KIAA1755: variants seen among roughly 807,000 people sequenced by gnomAD.
The protein encoded by KIAA1755 is uncharacterized protein KIAA1755.
In KIAA1755, 68 loss-of-function variants were observed where a neutral mutation model predicts 91.7. The ratio of observed to expected loss-of-function variants is 0.74; its 90% CI spans 0.61 to 0.91. The LOEUF (loss-of-function observed/expected upper bound fraction) is 0.91. Ranked by LOEUF, KIAA1755 falls within the 40% of genes least tolerant of loss-of-function variation. The pLI is 0.00. For synonymous variants in KIAA1755, 610 were observed against 604.6 expected (o/e 1.01, Z -0.13); for missense variants, 1,535 against 1,494.4 (o/e 1.03, Z -0.45).
chr20:38,256,706 G>T (rs1005778828), intron 1 of KIAA1755, among the ~76,000 whole-genome samples: 1 of 152,110 alleles, frequency 6.6e-6, no homozygotes, highest in African/African-American at 2.4e-5. Context: ...GGGAGGCTGA[G>T]GTGGGAGGAT....
intron 7 of KIAA1755, among the ~76,000 whole-genome samples, chr20:38,226,915 C>T (rs2075766371): frequency 6.6e-6 from 1 of 152,192 alleles, no homozygotes; most frequent in Non-Finnish European, 1.5e-5. Flanking sequence ...TGTGGCAGCA[C>T]CCACCAGGAG....
At chr20:38,221,398 T>G (rs954193485) in intron 10 of KIAA1755, among the ~76,000 whole-genome samples, 3 of 152,064 alleles carry the variant, frequency 2.0e-5, no homozygotes, top group African/African-American at 7.2e-5. Flanking sequence ...CACCAGGCAC[T>G]GAGGGGCAGG....
intron 10 of KIAA1755, among the ~76,000 whole-genome samples, chr20:38,221,929 G>A (rs2075666271): frequency 6.6e-6 from 1 of 152,194 alleles, no homozygotes; most frequent in Admixed American, 6.5e-5. Context: ...GTTCTCACAA[G>A]TGTGTCTGAG....
intron 1 of KIAA1755, among the ~76,000 whole-genome samples, chr20:38,247,975 C>G (rs1454302686): frequency 6.6e-5 from 10 of 152,150 alleles, no homozygotes; most frequent in Admixed American, 6.5e-4. Flanking sequence ...ATGCCTGTAT[C>G]CCAGCACTTT....
At position 38,218,302 on chromosome 20, in the gene KIAA1755, C is replaced by A. The variant is rs751260674; in HGVS notation, c.2621G>T (p.Ser874Ile). 3.1e-6 allele frequency: 5 copies of A among 1,614,248 alleles called. No individual in the cohort carries two copies. In the Middle Eastern group the frequency reaches 4.9e-4, roughly 160 times the overall value. Reference protein sequence around the residue: ...CLQSLTPKDGSLETVEKAHAE... With the variant: ...CLQSLTPKDGILETVEKAHAE... The stretch of plus-strand genomic sequence containing the variant: ...GTGGGCTTTCTCCACTGTCTCCAAA[C>A]TTCCATCCTTGGGGGTCAGTGATTG... Residue 874 changes from serine to isoleucine, a missense_variant, in exon 12 of 14, where the codon AGT becomes ATT. Coordinates refer to ENST00000279024, the MANE Select transcript of KIAA1755 (RefSeq NM_001029864.2).
Position 38,213,197 on chromosome 20 carries a change from G to A in KIAA1755, c.3448C>T (p.Arg1150Cys), listed in dbSNP as rs144628188. 401 of 1,613,450 alleles carry A rather than the reference G, an allele frequency of 2.5e-4. No homozygotes were observed. The highest frequency in any genetic ancestry group is 3.2e-4 in the Non-Finnish European group (372 of 1,180,026). ...KGSHKLPDPA[R>C]EHLLATTFFR... ...AAGGTGGTGGCAAGCAAATGCTCGC[G>A]GGCAGGGTCAGGCAGCTTGTGGGAG... Residue 1150 changes from arginine (R) to cysteine (C), a missense_variant, in exon 14 of 14, where the codon CGC becomes TGC. Transcript: ENST00000279024.
chr20:38,241,627 T>G lies in KIAA1755; in HGVS notation c.504A>C (p.Ala168=). The G allele has an allele frequency of 1.9e-6, 3 of 1,614,242 alleles. No homozygotes were observed. Among genetic ancestry groups the G allele is most frequent in the Non-Finnish European group, 2.5e-6 (3 of 1,180,034 alleles). The part of the protein sequence containing the change: ...EGNPLHNCLV[A]SENGIAPVPW... ...GCACAGGGGCAATCCCATTTTCTGA[T>G]GCTACCAAGCAGTTGTGTAGGGGAT... is the stretch of plus-strand genomic sequence containing the variant. The change falls in exon 3 of 14, where the codon GCA becomes GCC. Residue 168 remains alanine (A), a synonymous_variant. Coordinates refer to ENST00000279024, the MANE Select transcript of KIAA1755 (RefSeq NM_001029864.2).
chr20:38,237,604 G>T (rs2075980725), intron 4 of KIAA1755, among the ~76,000 whole-genome samples: 1 of 151,978 alleles, frequency 6.6e-6, no homozygotes, highest in African/African-American at 2.4e-5. Flanking sequence ...GTGGTGGAGA[G>T]TGAGGAAGAT....
intron 1 of KIAA1755, among the ~76,000 whole-genome samples, chr20:38,250,757 A>C (rs1161671176): frequency 1.3e-5 from 2 of 151,958 alleles, no homozygotes; most frequent in African/African-American, 4.8e-5. Flanking sequence ...TAGCCCACGA[A>C]AAAACTGGCC....
At chr20:38,242,460 G>T (rs1170196202) in intron 2 of KIAA1755, among the ~76,000 whole-genome samples, 1 of 152,100 alleles carries the variant, frequency 6.6e-6, no homozygotes, top group Non-Finnish European at 1.5e-5. Context: ...TTTATGGTGG[G>T]GTTATATCCT....
chr20:38,241,347 T>C lies in KIAA1755; in HGVS notation c.784A>G (p.Arg262Gly). Residue 262 changes from arginine (R) to glycine (G), a missense_variant, in exon 3 of 14, where the codon AGG (arginine) becomes GGG (glycine). Transcript: ENST00000279024. ...EQARCGEVAFRMDEVVSQDFE... is the reference protein window; with the variant it reads ...EQARCGEVAFGMDEVVSQDFE... ...TCCTGGCTGACCACCTCGTCCATCC[T>C]GAAAGCCACCTCCCCACACCGGGCT... is the stretch of plus-strand genomic sequence containing the variant. 1 of 1,614,178 alleles carries C rather than the reference T, an allele frequency of 6.2e-7. No individual in the cohort carries two copies. Among genetic ancestry groups the C allele is most frequent in the Non-Finnish European group, 8.5e-7 (1 of 1,180,032 alleles).
At chr20:38,237,105 T>C (rs1307859675) in intron 4 of KIAA1755, among the ~76,000 whole-genome samples, 1 of 150,202 alleles carries the variant, frequency 6.7e-6, no homozygotes, top group East Asian at 2.0e-4. Context: ...TGACCTTCCT[T>C]CTGGTCTGAC....
chr20:38,259,546 AG>A (rs1415614704), intron 1 of KIAA1755, among the ~76,000 whole-genome samples: 9 of 149,224 alleles, frequency 6.0e-5, no homozygotes, highest in African/African-American at 2.3e-4. Context: ...AGAGAGAGAG[AG>A]AGTATGAACA....
intron 1 of KIAA1755, among the ~76,000 whole-genome samples, chr20:38,250,512 C>CTGTGTG (rs3080901): frequency 4.3e-5 from 6 of 138,922 alleles, no homozygotes; most frequent in Admixed American, 1.5e-4. Flanking sequence ...GTGTGTGTGT[C>CTGTGTG]TGTGTGTGTG....
intron 4 of KIAA1755, among the ~76,000 whole-genome samples, chr20:38,239,007 A>G (rs1158064365): frequency 6.6e-6 from 1 of 152,186 alleles, no homozygotes; most frequent in Non-Finnish European, 1.5e-5. Flanking sequence ...CCTGCAGTTC[A>G]TTAATGACGG....
At chr20:38,219,868 G>C in intron 10 of KIAA1755, 100 bp from the exon 11 acceptor site, 2 of 1,473,556 alleles carry the variant, frequency 1.4e-6, no homozygotes, top group Non-Finnish European at 9.2e-7. Context: ...TGTGGCCCCA[G>C]CCTGGGTTTC....
intron 4 of KIAA1755, 98 bp downstream of exon 4, chr20:38,239,430 C>G: frequency 9.2e-7 from 1 of 1,089,884 alleles, no homozygotes; most frequent in Non-Finnish European, 1.4e-6. Context: ...CCTAGGCCTC[C>G]AGGGCATTCC....
intron 8 of KIAA1755, 82 bp downstream of exon 8, chr20:38,225,583 T>C: frequency 1.1e-6 from 1 of 894,186 alleles, no homozygotes; most frequent in South Asian, 1.3e-5. Flanking sequence ...CATAGCAGGG[T>C]TGATGGATCC....
Position 38,241,265 on chromosome 20 carries a change from G to T in KIAA1755, c.866C>A (p.Ser289Tyr). The change falls in exon 3 of 14, where the codon TCT becomes TAT. Residue 289 changes from serine to tyrosine, a missense_variant. Transcript: ENST00000279024. ...LGFSQESRGE[S>Y]PSREAGTSSG... ...GGATGTGCCTGCCTCCCTACTGGGA[G>T]ACTCTCCTCTGCTCTCTTGGGAAAA... The T allele has an allele frequency of 6.2e-7, 1 of 1,614,158 alleles. No individual in the cohort carries two copies. The highest frequency in any genetic ancestry group is 1.3e-5 in the African/African-American group (1 of 75,050).
Sources: allele counts gnomAD v4.1 joint callset (sites outside exome capture counted in the v4.1 genomes callset), GRCh38; gene constraint gnomAD v4.1.1; transcripts MANE v1.5; gene names NCBI Gene and HGNC (gene_info 2026-07-23, HGNC 2026-07-21).